MIS18A: variants seen among roughly 807,000 people sequenced by gnomAD.
The protein encoded by MIS18A is protein Mis18-alpha.
A neutral mutation model predicts 25.0 loss-of-function variants in MIS18A; 14 were observed. That is an observed-to-expected ratio of 0.56 (90% CI 0.37 to 0.88). The LOEUF (loss-of-function observed/expected upper bound fraction) is 0.88. Ranked by LOEUF, MIS18A falls within the 40% of genes least tolerant of loss-of-function variation. MIS18A has a pLI of 0.00. For missense variants in MIS18A, 292 were observed against 290.8 expected (o/e 1.00, Z -0.03); for synonymous variants, 134 against 118.6 (o/e 1.13, Z -0.84).
chr21:32,155,266 TG>T, the MIS18A span, among the ~76,000 whole-genome samples: 362 of 152,264 alleles, frequency 2.4e-3, 2 homozygotes, highest in Non-Finnish European at 3.9e-3. Flanking sequence ...ACCTCCTTTT[TG>T]ATTTGGAGGG....
At chr21:32,156,804 C>T in the MIS18A span, among the ~76,000 whole-genome samples, 1 of 148,200 alleles carries the variant, frequency 6.7e-6, no homozygotes, top group Non-Finnish European at 1.5e-5. Flanking sequence ...GTGGGAGGGG[C>T]ACCATGTAAA....
At chr21:32,246,405 G>A in the MIS18A span, among the ~76,000 whole-genome samples, 85 of 152,210 alleles carry the variant, frequency 5.6e-4, no homozygotes, top group East Asian at 0.013. Context: ...TCTGGTTTCT[G>A]TTAGGAAACC....
downstream of MIS18A, among the ~76,000 whole-genome samples, chr21:32,267,038 G>T (rs1031915237): frequency 1.3e-5 from 2 of 152,084 alleles, no homozygotes; most frequent in Non-Finnish European, 2.9e-5. Flanking sequence ...CATGCCACCA[G>T]GCTTCAGAGA....
chr21:32,175,901 T>A, the MIS18A span, among the ~76,000 whole-genome samples: 3 of 152,334 alleles, frequency 2.0e-5, no homozygotes, highest in East Asian at 5.8e-4. Context: ...CCTTTCTGTT[T>A]TAATTTTTTT....
chr21:32,209,392 T>C, the MIS18A span, among the ~76,000 whole-genome samples: 25 of 152,296 alleles, frequency 1.6e-4, no homozygotes, highest in African/African-American at 5.5e-4. Context: ...GGCTGAACCT[T>C]GGCTCTACCA....
the MIS18A span, among the ~76,000 whole-genome samples, chr21:32,246,269 C>T: frequency 1.1e-4 from 16 of 152,156 alleles, no homozygotes; most frequent in Non-Finnish European, 2.1e-4. Flanking sequence ...CCCTCATTTG[C>T]TGGAAAGAGA....
the MIS18A span, among the ~76,000 whole-genome samples, chr21:32,234,821 T>C: frequency 2.0e-5 from 3 of 152,170 alleles, no homozygotes; most frequent in Admixed American, 1.3e-4. Context: ...TACAGAACCA[T>C]GAGCCAAGAT....
At chr21:32,204,382 A>C in the MIS18A span, among the ~76,000 whole-genome samples, 2 of 152,116 alleles carry the variant, frequency 1.3e-5, no homozygotes, top group Admixed American at 6.5e-5. Flanking sequence ...CTGTAATCCC[A>C]GCTACTCAGG....
At chr21:32,206,915 T>C in the MIS18A span, among the ~76,000 whole-genome samples, 3 of 152,288 alleles carry the variant, frequency 2.0e-5, no homozygotes, top group East Asian at 1.9e-4. Flanking sequence ...TGGGACCATA[T>C]ACCAGAGGCT....
chr21:32,201,068 T>C, the MIS18A span, among the ~76,000 whole-genome samples: 2 of 152,174 alleles, frequency 1.3e-5, no homozygotes, highest in Non-Finnish European at 1.5e-5. Context: ...CATCTGCTCC[T>C]GGTGAGGCCT....
the MIS18A span, among the ~76,000 whole-genome samples, chr21:32,219,385 C>G: frequency 6.6e-6 from 1 of 152,076 alleles, no homozygotes; most frequent in African/African-American, 2.4e-5. Context: ...TTGGGGAAGT[C>G]CCTCCCCTAG....
the MIS18A span, among the ~76,000 whole-genome samples, chr21:32,242,671 C>A: frequency 3.3e-5 from 5 of 152,012 alleles, no homozygotes; most frequent in African/African-American, 9.7e-5. Context: ...TTTTTCCCCA[C>A]AAATATGATT....
chr21:32,221,377 A>G, the MIS18A span, among the ~76,000 whole-genome samples: 2 of 152,202 alleles, frequency 1.3e-5, no homozygotes, highest in African/African-American at 4.8e-5. Flanking sequence ...ATCCAGCCAA[A>G]CTAAGCTTCA....
the MIS18A span, among the ~76,000 whole-genome samples, chr21:32,226,142 A>G: frequency 3.3e-5 from 4 of 122,404 alleles, no homozygotes; most frequent in East Asian, 2.4e-4. Flanking sequence ...GGGTGGGGGG[A>G]GTGGGGAGGG....
the MIS18A span, among the ~76,000 whole-genome samples, chr21:32,238,147 C>G: frequency 6.6e-6 from 1 of 152,208 alleles, no homozygotes; most frequent in Admixed American, 6.5e-5. Flanking sequence ...AAAGCCCCAT[C>G]ATAGATTTCA....
chr21:32,222,258 T>C, the MIS18A span, among the ~76,000 whole-genome samples: 4 of 152,166 alleles, frequency 2.6e-5, no homozygotes, highest in Non-Finnish European at 4.4e-5. Flanking sequence ...TAAATATATA[T>C]GCACCCAATA....
chr21:32,223,884 A>C, the MIS18A span, among the ~76,000 whole-genome samples: 1 of 152,216 alleles, frequency 6.6e-6, no homozygotes, highest in Admixed American at 6.5e-5. Context: ...CCTCAACAAA[A>C]TAATGGTCAA....
At chr21:32,274,679 CA>C (rs1187461876) in intron 2 of MIS18A, 150 bp downstream of exon 2, 53 of 619,476 alleles carry the variant, frequency 8.6e-5, no homozygotes, top group Non-Finnish European at 1.2e-4. Context: ...ATAGAAAAAG[CA>C]AAAAAAAGAA....
chr21:32,206,813 G>A, the MIS18A span, among the ~76,000 whole-genome samples: 1 of 152,098 alleles, frequency 6.6e-6, no homozygotes, highest in Non-Finnish European at 1.5e-5. Context: ...AAGGAACAAT[G>A]CCCAGCCACA....
Sources: gnomAD v4.1 joint callset for allele counts (sites outside exome capture counted in the v4.1 genomes callset) on GRCh38, gnomAD v4.1.1 for gene constraint, MANE v1.5 for transcripts, NCBI Gene and HGNC (gene_info 2026-07-23, HGNC 2026-07-21) for gene names.